TAF13: variants seen among roughly 807,000 people sequenced by gnomAD.
TAF13 encodes TATA-box binding protein associated factor 13.
In TAF13, 9 loss-of-function variants were observed where a neutral mutation model predicts 18.7. The ratio of observed to expected loss-of-function variants is 0.48; its 90% CI spans 0.29 to 0.84. The LOEUF (loss-of-function observed/expected upper bound fraction) is 0.84, where lower values mean the gene tolerates loss of function less well. TAF13 is among the 40% of genes least tolerant of loss of function. TAF13 has a pLI of 0.08. For missense variants in TAF13, 105 were observed against 146.5 expected (o/e 0.72, Z 1.46); for synonymous variants, 49 against 44.1 (o/e 1.11, Z -0.44).
At chr1:109,067,715 CTTA>C (rs1284901734) in intron 2 of TAF13, among the ~76,000 whole-genome samples, 1 of 152,114 alleles carries the variant, frequency 6.6e-6, no homozygotes, top group African/African-American at 2.4e-5. Flanking sequence ...ATATATAGCC[CTTA>C]TTATATGCCA....
chr1:109,073,705 C>T (rs7554144), intron 2 of TAF13, among the ~76,000 whole-genome samples: 72,269 of 152,034 alleles, frequency 0.48, 18,134 homozygotes, highest in South Asian at 0.56. Flanking sequence ...GGCGTGATCT[C>T]GGCTCGCTAC....
chr1:109,067,991 C>CT (rs895079639), intron 2 of TAF13, among the ~76,000 whole-genome samples: 9 of 151,970 alleles, frequency 5.9e-5, no homozygotes, highest in South Asian at 2.1e-4. Context: ...CGTGTGAATT[C>CT]TTTTTTTTGC....
At chr1:109,066,384 T>G (rs1663951439) in intron 2 of TAF13, 152 bp from the exon 3 acceptor site, 1 of 662,646 alleles carries the variant, frequency 1.5e-6, no homozygotes, top group Admixed American at 3.3e-5. Context: ...TATGGATTCT[T>G]GTGTAAAAGG....
At chr1:109,069,102 T>C (rs1257311954) in intron 2 of TAF13, among the ~76,000 whole-genome samples, 1 of 152,140 alleles carries the variant, frequency 6.6e-6, no homozygotes, top group Non-Finnish European at 1.5e-5. Context: ...AATTATAACT[T>C]TTATCAGATT....
chr1:109,071,015 AAC>A (rs1243164832), intron 2 of TAF13, among the ~76,000 whole-genome samples: 1 of 152,216 alleles, frequency 6.6e-6, no homozygotes, highest in Non-Finnish European at 1.5e-5. Flanking sequence ...TAAAAAATAA[AAC>A]AGTGTCTGGC....
chr1:109,069,202 AGTGTGTGTGTGT>A (rs59365913), intron 2 of TAF13, among the ~76,000 whole-genome samples: 73,026 of 150,156 alleles, frequency 0.49, 18,340 homozygotes, highest in South Asian at 0.57. Flanking sequence ...CAAGTGTGTG[AGTGTGTGTGTGT>A]GTGTGTGCGC....
At chr1:109,072,083 CATAT>C (rs1198567507) in intron 2 of TAF13, among the ~76,000 whole-genome samples, 16 of 5,026 alleles carry the variant, frequency 3.2e-3, no homozygotes, top group South Asian at 0.016. Context: ...TATACACACA[CATAT>C]ATATATATAT....
chr1:109,068,322 G>GA (rs1192948394), intron 2 of TAF13, among the ~76,000 whole-genome samples: 1 of 151,884 alleles, frequency 6.6e-6, no homozygotes, highest in Non-Finnish European at 1.5e-5. Context: ...TTTTTTAGTA[G>GA]AGTCAGGGTT....
intron 2 of TAF13, among the ~76,000 whole-genome samples, chr1:109,074,652 C>T (rs573157147): frequency 1.3e-5 from 2 of 152,068 alleles, no homozygotes; most frequent in African/African-American, 2.4e-5. Context: ...TGGTGGCCGG[C>T]GCCAGTAGTC....
At chr1:109,066,625 T>C (rs1663955193) in intron 2 of TAF13, among the ~76,000 whole-genome samples, 1 of 152,172 alleles carries the variant, frequency 6.6e-6, no homozygotes, top group Admixed American at 6.5e-5. Flanking sequence ...GGCATGGCAG[T>C]GGGGCGTTGG....
chr1:109,075,690 T>C (rs1194317929), intron 1 of TAF13, among the ~76,000 whole-genome samples: 2 of 152,174 alleles, frequency 1.3e-5, no homozygotes, highest in East Asian at 3.8e-4. Flanking sequence ...CTGTACGTGT[T>C]TCAGTGTCTG....
intron 2 of TAF13, among the ~76,000 whole-genome samples, chr1:109,071,453 A>G (rs950461348): frequency 1.1e-4 from 17 of 151,312 alleles, no homozygotes; most frequent in African/African-American, 3.9e-4. Flanking sequence ...GAAAAAAAAA[A>G]AAAAAAATTA....
intron 2 of TAF13, 128 bp downstream of exon 2, chr1:109,074,859 G>A: frequency 1.4e-6 from 1 of 700,074 alleles, no homozygotes. Context: ...AAGTTAAACA[G>A]AATTTGATAG....
intron 2 of TAF13, among the ~76,000 whole-genome samples, chr1:109,073,483 C>T (rs1302673697): frequency 1.3e-5 from 2 of 152,192 alleles, no homozygotes; most frequent in South Asian, 2.1e-4. Flanking sequence ...GATCTGGGAT[C>T]GTTGCAGCCT....
At chr1:109,067,325 C>T (rs1663967642) in intron 2 of TAF13, among the ~76,000 whole-genome samples, 1 of 151,730 alleles carries the variant, frequency 6.6e-6, no homozygotes, top group Non-Finnish European at 1.5e-5. Flanking sequence ...GGGCGTAGGC[C>T]TGGATGGTGG....
At chr1:109,074,337 C>T (rs1476233678) in intron 2 of TAF13, among the ~76,000 whole-genome samples, 1 of 152,056 alleles carries the variant, frequency 6.6e-6, no homozygotes. Context: ...GGATTAAGGG[C>T]GGTGCAAGAT....
intron 2 of TAF13, among the ~76,000 whole-genome samples, chr1:109,067,541 CAG>C (rs1319038158): frequency 1.3e-5 from 2 of 151,958 alleles, no homozygotes; most frequent in Non-Finnish European, 2.9e-5. Flanking sequence ...ATCCAGGAGG[CAG>C]AGGTTGCAGT....
intron 2 of TAF13, among the ~76,000 whole-genome samples, chr1:109,071,443 GAA>G (rs1164517886): frequency 1.3e-3 from 160 of 124,770 alleles, no homozygotes; most frequent in African/African-American, 4.2e-3. Context: ...TCCATCTCAG[GAA>G]AAAAAAAAAA....
At chr1:109,064,830 C>T in intron 3 of TAF13, 137 bp from the exon 4 acceptor site, 1 of 694,036 alleles carries the variant, frequency 1.4e-6, no homozygotes, top group South Asian at 4.5e-5. Context: ...TGTGAATTAT[C>T]TTTCTACTCA....
Sources: allele counts gnomAD v4.1 joint callset (sites outside exome capture counted in the v4.1 genomes callset), GRCh38; gene constraint gnomAD v4.1.1; transcripts MANE v1.5; gene names NCBI Gene and HGNC (gene_info 2026-07-23, HGNC 2026-07-21).